The following RIC1 variants were observed in gnomAD, a reference collection of about 807,000 sequenced individuals.
RIC1 encodes guanine nucleotide exchange factor subunit RIC1.
RIC1 carries 88 observed loss-of-function variants against 169.0 expected under a neutral mutation model. That is an observed-to-expected ratio of 0.52 (90% CI 0.44 to 0.62). The LOEUF (loss-of-function observed/expected upper bound fraction) is 0.62. Among genes scored for constraint, RIC1 ranks in the 20% least tolerant of loss-of-function variants. The probability of loss-of-function intolerance (pLI) is 0.00; values close to 1 mark genes in which losing one functional copy is unlikely to be tolerated. For synonymous variants in RIC1, 790 were observed against 601.5 expected (o/e 1.31, Z -4.59); for missense variants, 1,877 against 1,725.5 (o/e 1.09, Z -1.56).
At position 5,774,599 on chromosome 9, in the gene RIC1, G is replaced by A. The variant is rs375881992; in HGVS notation, c.*353G>A. On this transcript the variant is annotated 3_prime_UTR_variant, in exon 26 of 26. Coordinates refer to ENST00000414202, the MANE Select transcript of RIC1 (RefSeq NM_020829.4). ...CTACTTACATCTTCTCACATTTCCC[G>A]GTTCTGCATTATGTCCAGATTGCTT... 1.7e-5 allele frequency: 3 copies of A among 175,756 alleles called. No individual in the cohort carries two copies. Among genetic ancestry groups the A allele is most frequent in the Non-Finnish European group, 2.4e-5 (2 of 83,144 alleles). 10.9% of individuals were successfully genotyped at this position (175,756 alleles called of 1,614,324 possible). A position where few individuals can be genotyped will look rare whatever the true frequency, so the allele number is the denominator to read the frequency against.
intron 25 of RIC1, 196 bp downstream of exon 25, chr9:5,773,276 G>T: frequency 4.6e-6 from 1 of 219,740 alleles, no homozygotes; most frequent in East Asian, 9.4e-5. Flanking sequence ...TAATTCCATC[G>T]AGTAAGGTTA....
rs577419172 is a variant in RIC1 at position 5,713,923 on chromosome 9, C to G, written c.360C>G (p.Pro120=). Reference sequence around the variant, plus strand: ...GAAGTCCACAAATGAAGGGGACACCCCATTTTAAGGAAGAACAGTGTGCTC... The same window carrying G: ...GAAGTCCACAAATGAAGGGGACACCGCATTTTAAGGAAGAACAGTGTGCTC... ...PKGSPQMKGT[P]HFKEEQCAPA... The change falls in exon 4 of 26, where the codon CCC becomes CCG. Residue 120 remains proline, a synonymous_variant. Transcript: ENST00000414202. 2.5e-6 allele frequency: 4 copies of G among 1,612,806 alleles called. No individual in the cohort carries two copies. The highest frequency in any genetic ancestry group is 3.3e-5 in the Admixed American group (2 of 59,990).
At chr9:5,727,067 G>A (rs539032848) in intron 6 of RIC1, among the ~76,000 whole-genome samples, 14 of 152,074 alleles carry the variant, frequency 9.2e-5, no homozygotes, top group Non-Finnish European at 1.6e-4. Context: ...TCTTTGTGGC[G>A]TTCCCTGTAT....
Position 5,774,312 on chromosome 9 carries a change from C to T in RIC1, c.*66C>T. 2 of 1,374,426 alleles carry T rather than the reference C, an allele frequency of 1.5e-6. No homozygotes were observed. Among genetic ancestry groups the T allele is most frequent in the South Asian group, 3.2e-5 (2 of 63,054 alleles). The allele number at this position is 1,374,426 out of a possible 1,614,324, so 85.1% of individuals were successfully genotyped here. A position where few individuals can be genotyped will look rare whatever the true frequency, so the allele number is the denominator to read the frequency against. The stretch of plus-strand genomic sequence containing the variant: ...CAGCGTGCAGCTCAGTACGTTGTAA[C>T]ATAGTTGGATGATTTAACAGGAGAA... On this transcript the variant is annotated 3_prime_UTR_variant, in exon 26 of 26. Coordinates refer to ENST00000414202, the MANE Select transcript of RIC1 (RefSeq NM_020829.4).
intron 3 of RIC1, among the ~76,000 whole-genome samples, chr9:5,691,612 A>T (rs1235055493): frequency 6.6e-6 from 1 of 151,958 alleles, no homozygotes; most frequent in Non-Finnish European, 1.5e-5. Flanking sequence ...TTATGGGTAA[A>T]ACTGAAAAAA....
chr9:5,662,158 G>C (rs377115338), intron 2 of RIC1, among the ~76,000 whole-genome samples: 5 of 152,192 alleles, frequency 3.3e-5, no homozygotes, highest in African/African-American at 1.2e-4. Context: ...TGTTGAACCA[G>C]TCTTGCATTC....
chr9:5,635,017 G>C (rs1023256655), intron 1 of RIC1, among the ~76,000 whole-genome samples: 1 of 151,880 alleles, frequency 6.6e-6, no homozygotes. Flanking sequence ...TTTGAGACAG[G>C]GTCTCACTCT....
chr9:5,735,248 A>G (rs1000397949), intron 7 of RIC1, among the ~76,000 whole-genome samples: 6 of 152,058 alleles, frequency 3.9e-5, no homozygotes, highest in African/African-American at 1.4e-4. Context: ...TGTCGTGACT[A>G]ACCTGGAAGC....
intron 2 of RIC1, among the ~76,000 whole-genome samples, chr9:5,658,958 T>C (rs980322391): frequency 2.0e-5 from 3 of 151,996 alleles, no homozygotes; most frequent in Non-Finnish European, 4.4e-5. Flanking sequence ...ATATGAATTA[T>C]GTAAAATGTC....
intron 1 of RIC1, among the ~76,000 whole-genome samples, chr9:5,639,124 C>A (rs543546191): frequency 5.5e-4 from 83 of 152,278 alleles, no homozygotes; most frequent in African/African-American, 1.9e-3. Flanking sequence ...CCAGGCTGTT[C>A]TCAAATTCCT....
At chr9:5,750,079 A>G (rs1268335346) in intron 12 of RIC1, among the ~76,000 whole-genome samples, 1 of 149,732 alleles carries the variant, frequency 6.7e-6, no homozygotes, top group African/African-American at 2.6e-5. Flanking sequence ...ACCCAGCCAA[A>G]GCAAGCACCA....
chr9:5,772,759 T>A lies in RIC1; in HGVS notation c.3794+18T>A. 6.3e-7 allele frequency: 1 copy of A among 1,595,598 alleles called. No individual in the cohort carries two copies. The highest frequency in any genetic ancestry group is 8.5e-7 in the Non-Finnish European group (1 of 1,171,620). On this transcript the variant is annotated intron_variant, in intron 24 of 25. Coordinates refer to ENST00000414202, the MANE Select transcript of RIC1 (RefSeq NM_020829.4). ...CAGCTTCGGTGAGTTTCTTGGCTAT[T>A]TGAAATCACAGAATGCCTACTCAGA... is the stretch of plus-strand genomic sequence containing the variant.
chr9:5,735,542 C>T (rs1003868502), intron 7 of RIC1, among the ~76,000 whole-genome samples: 3 of 152,132 alleles, frequency 2.0e-5, no homozygotes, highest in African/African-American at 7.2e-5. Flanking sequence ...TCATCAGCTA[C>T]GAGACTACAA....
intron 2 of RIC1, among the ~76,000 whole-genome samples, chr9:5,675,119 C>T (rs926439619): frequency 6.6e-6 from 1 of 152,322 alleles, no homozygotes; most frequent in Non-Finnish European, 1.5e-5. Context: ...GCACGTGGCC[C>T]CTGCTGCTGT....
Position 5,745,653 on chromosome 9 carries a change from G to T in RIC1, c.1096-278G>T, listed in dbSNP as rs113894079. The stretch of plus-strand genomic sequence containing the variant: ...AATAGAGAAGTTACAGAGCACAGTA[G>T]GTATTTTTAGGATTAAGACCCTGAA... On this transcript the variant is annotated intron_variant, in intron 10 of 25. Coordinates refer to ENST00000414202, the MANE Select transcript of RIC1 (RefSeq NM_020829.4). Among the ~76,000 whole-genome samples, 211 of 152,234 alleles carry T rather than the reference G, an allele frequency of 1.4e-3. 1 individual carries two copies. The highest frequency in any genetic ancestry group is 4.7e-3 in the African/African-American group (197 of 41,546).
intron 7 of RIC1, among the ~76,000 whole-genome samples, chr9:5,734,102 T>C (rs910711658): frequency 3.4e-5 from 5 of 146,762 alleles, no homozygotes; most frequent in African/African-American, 1.0e-4. Flanking sequence ...TATATATATA[T>C]TTATTTTATT....
At chr9:5,653,422 C>G (rs904226668) in intron 1 of RIC1, among the ~76,000 whole-genome samples, 9 of 152,130 alleles carry the variant, frequency 5.9e-5, no homozygotes, top group Non-Finnish European at 1.3e-4. Flanking sequence ...TTTTGCCTCT[C>G]TGTATCAACT....
At chr9:5,715,846 C>G (rs1373121300) in intron 4 of RIC1, among the ~76,000 whole-genome samples, 1 of 149,282 alleles carries the variant, frequency 6.7e-6, no homozygotes, top group Non-Finnish European at 1.5e-5. Flanking sequence ...ACTCCTCCGA[C>G]AGGGTCTCAC....
chr9:5,706,396 G>T (rs1485603604), intron 3 of RIC1, among the ~76,000 whole-genome samples: 1 of 152,114 alleles, frequency 6.6e-6, no homozygotes, highest in Non-Finnish European at 1.5e-5. Flanking sequence ...AGGTTGCGGT[G>T]AGCTGAGATC....
Sources: gnomAD v4.1 joint callset for allele counts (sites outside exome capture counted in the v4.1 genomes callset) on GRCh38, gnomAD v4.1.1 for gene constraint, MANE v1.5 for transcripts, NCBI Gene and HGNC (gene_info 2026-07-23, HGNC 2026-07-21) for gene names.